Variants in ELAPOR2 observed in about 807,000 individuals in gnomAD.
ELAPOR2 encodes the protein endosome/lysosome-associated apoptosis and autophagy regulator family member 2.
ELAPOR2 carries 89 observed loss-of-function variants against 120.7 expected under a neutral mutation model. The observed-to-expected ratio is 0.74, with a 90% CI of 0.62 to 0.88. The LOEUF (loss-of-function observed/expected upper bound fraction) is 0.88. Among genes scored for constraint, ELAPOR2 ranks in the 40% least tolerant of loss-of-function variants. The probability of loss-of-function intolerance (pLI) is 0.00; values close to 1 mark genes in which losing one functional copy is unlikely to be tolerated. For missense variants in ELAPOR2, 1,134 were observed against 1,251.6 expected (o/e 0.91, Z 1.42); for synonymous variants, 444 against 444.9 (o/e 1.00, Z 0.03).
At chr7:86,924,067 G>GT (rs1476523701) in intron 10 of ELAPOR2, among the ~76,000 whole-genome samples, 1 of 151,930 alleles carries the variant, frequency 6.6e-6, no homozygotes, top group African/African-American at 2.4e-5. Flanking sequence ...TTTCACCCTC[G>GT]TTCTTGTGAG....
chr7:86,947,743 G>A lies in ELAPOR2; in HGVS notation c.490C>T (p.Pro164Ser), dbSNP rs1791066832. ...DTVVGPSDSRPDGCNNSSWIP... is the reference protein window; with the variant it reads ...DTVVGPSDSRSDGCNNSSWIP... The stretch of plus-strand genomic sequence containing the variant: ...GATTCTTACTTGTTACAGCCGTCTG[G>A]CCTGCTGTCAGAAGGGCCCACCACA... The change falls in exon 3 of 22, where the codon CCA (proline) becomes TCA (serine). Residue 164 changes from proline to serine, a missense_variant. Transcript: ENST00000450689. 1.5e-5 allele frequency: 23 copies of A among 1,551,254 alleles called. No homozygotes were observed. The highest frequency in any genetic ancestry group is 2.0e-5 in the Non-Finnish European group (23 of 1,146,762).
chr7:86,902,521 G>A (rs1788773654), intron 18 of ELAPOR2, among the ~76,000 whole-genome samples: 2 of 152,146 alleles, frequency 1.3e-5, no homozygotes, highest in South Asian at 4.1e-4. Flanking sequence ...TGTGGGGAGA[G>A]CCACCATGAG....
At chr7:87,002,097 C>T (rs1562963605) in intron 1 of ELAPOR2, among the ~76,000 whole-genome samples, 1 of 152,144 alleles carries the variant, frequency 6.6e-6, no homozygotes, top group Non-Finnish European at 1.5e-5. Flanking sequence ...TCAAGGAACC[C>T]AGCCAGCTGG....
At chr7:86,910,652 C>T (rs925036994) in intron 15 of ELAPOR2, among the ~76,000 whole-genome samples, 46 of 151,858 alleles carry the variant, frequency 3.0e-4, no homozygotes, top group Non-Finnish European at 5.9e-4. Context: ...GAAGATATAA[C>T]TTATAAAAAA....
rs1372015923 is a variant in ELAPOR2 at position 86,879,453 on chromosome 7, C to A, written c.*1018G>T. 1 of 151,982 alleles carries A rather than the reference C, an allele frequency of 6.6e-6. No homozygotes were observed. The highest frequency in any genetic ancestry group is 2.4e-5 in the African/African-American group (1 of 41,376). 9.4% of individuals were successfully genotyped at this position (151,982 alleles called of 1,614,324 possible). On this transcript the variant is annotated 3_prime_UTR_variant, in exon 22 of 22. Transcript: ENST00000450689. Reference sequence around the variant, plus strand: ...ATTGGATTATTTTTTTAAAAAGTTTCTGAGAAAGTCAACATCCTCAAAGTC... The same window carrying A: ...ATTGGATTATTTTTTTAAAAAGTTTATGAGAAAGTCAACATCCTCAAAGTC...
intron 1 of ELAPOR2, among the ~76,000 whole-genome samples, chr7:87,000,355 T>A (rs1469228253): frequency 6.6e-6 from 1 of 151,844 alleles, no homozygotes; most frequent in Non-Finnish European, 1.5e-5. Flanking sequence ...GTTTTCTACA[T>A]CAGAAAAGAG....
chr7:86,963,097 T>C (rs1318387098), intron 2 of ELAPOR2, among the ~76,000 whole-genome samples: 1 of 152,114 alleles, frequency 6.6e-6, no homozygotes, highest in Non-Finnish European at 1.5e-5. Context: ...ATAAAAAATG[T>C]CCCAGCCAAA....
intron 1 of ELAPOR2, among the ~76,000 whole-genome samples, chr7:86,996,597 G>A (rs1001298975): frequency 6.6e-6 from 1 of 152,200 alleles, no homozygotes; most frequent in Non-Finnish European, 1.5e-5. Flanking sequence ...TAAAGAGTTT[G>A]AAGCAGGGAG....
At chr7:86,924,633 T>G (rs1407276274) in intron 10 of ELAPOR2, among the ~76,000 whole-genome samples, 1 of 152,038 alleles carries the variant, frequency 6.6e-6, no homozygotes, top group Admixed American at 6.6e-5. Flanking sequence ...ATTTAATATA[T>G]ATACTGAGGC....
At position 86,947,733 on chromosome 7, in the gene ELAPOR2, C is replaced by A; in HGVS notation, c.500G>T (p.Cys167Phe). ...GGCTGCTTTGGATTCTTACTTGTTA[C>A]AGCCGTCTGGCCTGCTGTCAGAAGG... ...VGPSDSRPDG[C>F]NNSSWIPRGN... Residue 167 changes from cysteine to phenylalanine, a missense_variant, in exon 3 of 22, where the codon TGT becomes TTT. By Grantham distance (205) the Cys-to-Phe change is radical. Around this residue, in one of 3 missense-constraint regions of ELAPOR2, gnomAD observed 280 missense variants for 331.5 expected, o/e 0.84. Coordinates refer to ENST00000450689, the MANE Select transcript of ELAPOR2 (RefSeq NM_001142749.3). 1 of 1,550,356 alleles carries A rather than the reference C, an allele frequency of 6.5e-7. No individual in the cohort carries two copies. The highest frequency in any genetic ancestry group is 8.7e-7 in the Non-Finnish European group (1 of 1,145,964).
At chr7:87,053,747 G>A (rs1463552447) in intron 1 of ELAPOR2, among the ~76,000 whole-genome samples, 4 of 152,160 alleles carry the variant, frequency 2.6e-5, no homozygotes, top group African/African-American at 4.8e-5. Flanking sequence ...ATAGGATATA[G>A]GGATGGATCT....
Position 86,918,524 on chromosome 7 carries a change from C to G in ELAPOR2, c.1511G>C (p.Gly504Ala). Reference protein sequence around the residue: ...PGFKPPTSMTGATGSELGRIT... With the variant: ...PGFKPPTSMTAATGSELGRIT... ...TCTTCCTAGTTCAGAACCCGTGGCT[C>G]CAGTCATAGATGTTGGTGGTCTATT... The change falls in exon 12 of 22, where the codon GGA becomes GCA. Residue 504 changes from glycine to alanine, a missense_variant. Physicochemically the swap from Gly to Ala is moderately conservative, Grantham distance 60 (BLOSUM62 0). Around this residue, in one of 3 missense-constraint regions of ELAPOR2, gnomAD observed 831 missense variants for 867.6 expected, o/e 0.96. Coordinates refer to ENST00000450689, the MANE Select transcript of ELAPOR2 (RefSeq NM_001142749.3). 1 of 1,610,900 alleles carries G rather than the reference C, an allele frequency of 6.2e-7. No homozygotes were observed. Among genetic ancestry groups the G allele is most frequent in the Non-Finnish European group, 8.5e-7 (1 of 1,177,398 alleles).
intron 2 of ELAPOR2, among the ~76,000 whole-genome samples, chr7:86,955,446 G>A (rs1791433178): frequency 1.3e-5 from 2 of 151,980 alleles, no homozygotes; most frequent in African/African-American, 4.8e-5. Flanking sequence ...AACAATGAAA[G>A]CTGGTTGTGA....
chr7:86,978,714 T>A (rs1209093923), intron 1 of ELAPOR2, among the ~76,000 whole-genome samples: 1 of 152,186 alleles, frequency 6.6e-6, no homozygotes, highest in Non-Finnish European at 1.5e-5. Context: ...GAACCTCAAT[T>A]TCCTTGTCTA....
At chr7:86,938,261 A>C in intron 7 of ELAPOR2, 47 bp from the exon 8 acceptor site, 2 of 1,441,422 alleles carry the variant, frequency 1.4e-6, no homozygotes, top group Non-Finnish European at 1.9e-6. Flanking sequence ...TTATTTTGCA[A>C]CTCTAAGAAA....
chr7:86,965,976 A>G, intron 1 of ELAPOR2: 1 of 984,924 alleles, frequency 1.0e-6, no homozygotes, highest in South Asian at 4.7e-5. Context: ...TGCATAGCAC[A>G]CTTTGCTAAC....
chr7:86,974,840 T>C (rs1792226516), intron 1 of ELAPOR2, among the ~76,000 whole-genome samples: 1 of 152,180 alleles, frequency 6.6e-6, no homozygotes, highest in Non-Finnish European at 1.5e-5. Flanking sequence ...ATGGGAAAAT[T>C]CAAATGGTAC....
At chr7:87,027,347 T>A (rs975332166) in intron 1 of ELAPOR2, among the ~76,000 whole-genome samples, 5 of 152,168 alleles carry the variant, frequency 3.3e-5, no homozygotes, top group African/African-American at 1.2e-4. Context: ...TCATTTCAAA[T>A]GACACATACG....
At chr7:86,885,283 T>C (rs542609744) in intron 21 of ELAPOR2, among the ~76,000 whole-genome samples, 4 of 152,208 alleles carry the variant, frequency 2.6e-5, no homozygotes, top group African/African-American at 9.6e-5. Flanking sequence ...AAAAGCAATA[T>C]GAAAGTGGCC....
Sources: allele counts gnomAD v4.1 joint callset (sites outside exome capture counted in the v4.1 genomes callset), GRCh38; gene constraint gnomAD v4.1.1; regional missense constraint gnomAD v4.1.1; transcripts MANE v1.5; gene names NCBI Gene and HGNC (gene_info 2026-07-23, HGNC 2026-07-21).